The following PDLIM5 variants were observed in gnomAD, a reference collection of about 807,000 sequenced individuals.
PDLIM5 encodes PDZ and LIM domain 5.
A neutral mutation model predicts 64.2 loss-of-function variants in PDLIM5; 34 were observed. The ratio of observed to expected loss-of-function variants is 0.53; its 90% CI spans 0.40 to 0.71. The LOEUF (loss-of-function observed/expected upper bound fraction) is 0.71, where lower values mean the gene tolerates loss of function less well. Ranked by LOEUF, PDLIM5 falls within the 30% of genes least tolerant of loss-of-function variation. The probability of loss-of-function intolerance (pLI) is 0.00; values close to 1 mark genes in which losing one functional copy is unlikely to be tolerated. For synonymous variants in PDLIM5, 253 were observed against 269.1 expected (o/e 0.94, Z 0.59); for missense variants, 683 against 733.6 (o/e 0.93, Z 0.80).
intron 7 of PDLIM5, among the ~76,000 whole-genome samples, chr4:94,613,651 T>G (rs1312451032): frequency 6.6e-6 from 1 of 152,190 alleles, no homozygotes; most frequent in African/African-American, 2.4e-5. Flanking sequence ...TTTGGTAGAT[T>G]AGTGAAAATA....
At chr4:94,515,967 A>G (rs1397577585) in intron 2 of PDLIM5, among the ~76,000 whole-genome samples, 1 of 152,216 alleles carries the variant, frequency 6.6e-6, no homozygotes, top group Non-Finnish European at 1.5e-5. Flanking sequence ...TAGGATATTC[A>G]CACATTAACA....
chr4:94,583,335 T>A (rs1469167510), intron 5 of PDLIM5, among the ~76,000 whole-genome samples: 1 of 152,168 alleles, frequency 6.6e-6, no homozygotes, highest in Non-Finnish European at 1.5e-5. Flanking sequence ...CATTCTATTA[T>A]TCGTGATATC....
intron 3 of PDLIM5, among the ~76,000 whole-genome samples, chr4:94,551,115 C>T (rs960131730): frequency 6.6e-6 from 1 of 152,078 alleles, no homozygotes; most frequent in Middle Eastern, 3.2e-3. Context: ...TAACTGGTGA[C>T]ATGAAACTAT....
intron 2 of PDLIM5, among the ~76,000 whole-genome samples, chr4:94,485,980 G>A (rs1272158795): frequency 1.3e-5 from 2 of 152,150 alleles, no homozygotes; most frequent in East Asian, 1.9e-4. Flanking sequence ...GGATGAAGAG[G>A]AGGTCTCAAA....
chr4:94,664,158 A>G lies in PDLIM5; in HGVS notation c.*91A>G, dbSNP rs1324427205. On this transcript the variant is annotated 3_prime_UTR_variant, in exon 13 of 13. Transcript: ENST00000317968. The stretch of plus-strand genomic sequence containing the variant: ...ATTTTTAGATTCAATATTTATATGG[A>G]GTTTTGAAAAATAATAGTGGCCCTG... 2 of 1,310,346 alleles carry G rather than the reference A, an allele frequency of 1.5e-6. No individual in the cohort carries two copies. The highest frequency in any genetic ancestry group is 5.6e-5 in the East Asian group (2 of 35,572). 81.2% of individuals were successfully genotyped at this position (1,310,346 alleles called of 1,614,324 possible).
intron 2 of PDLIM5, among the ~76,000 whole-genome samples, chr4:94,520,963 G>A (rs1181068337): frequency 6.6e-6 from 1 of 152,216 alleles, no homozygotes; most frequent in Non-Finnish European, 1.5e-5. Context: ...ATTCAGTACA[G>A]TTAAGTTCTT....
chr4:94,473,516 T>G (rs1034047789), intron 2 of PDLIM5, among the ~76,000 whole-genome samples: 2 of 152,204 alleles, frequency 1.3e-5, no homozygotes, highest in African/African-American at 4.8e-5. Context: ...CGCCTTGGCC[T>G]CCCACAGTGC....
chr4:94,460,352 T>G (rs765330998), intron 2 of PDLIM5, among the ~76,000 whole-genome samples: 4 of 152,182 alleles, frequency 2.6e-5, no homozygotes, highest in Non-Finnish European at 4.4e-5. Flanking sequence ...AAAACGCACT[T>G]ATTTGATTTT....
intron 3 of PDLIM5, among the ~76,000 whole-genome samples, chr4:94,568,537 TA>T (rs1304802621): frequency 6.6e-6 from 1 of 152,170 alleles, no homozygotes; most frequent in Non-Finnish European, 1.5e-5. Context: ...CTTTCTGATA[TA>T]AAAATTTTAT....
At chr4:94,504,358 G>T in intron 2 of PDLIM5, among the ~76,000 whole-genome samples, 1 of 151,868 alleles carries the variant, frequency 6.6e-6, no homozygotes, top group East Asian at 1.9e-4. Context: ...CACTATCTCG[G>T]CTCATTGCAA....
intron 2 of PDLIM5, among the ~76,000 whole-genome samples, chr4:94,499,321 A>G (rs1194797632): frequency 6.6e-6 from 1 of 152,158 alleles, no homozygotes; most frequent in Non-Finnish European, 1.5e-5. Flanking sequence ...TCTTGGAAAT[A>G]AATGGAAACT....
intron 7 of PDLIM5, among the ~76,000 whole-genome samples, chr4:94,598,888 G>A (rs1326131167): frequency 2.0e-5 from 3 of 152,010 alleles, no homozygotes; most frequent in Non-Finnish European, 4.4e-5. Flanking sequence ...ATGTGGAGAT[G>A]TCCTCTCCAG....
rs146420820 is a variant in PDLIM5, at chr4:94,638,955, C to T, written c.1109-1321C>T. Among the ~76,000 whole-genome samples, 748 of 152,232 alleles carry T rather than the reference C, an allele frequency of 4.9e-3. 4 individuals are homozygous for T. The highest frequency in any genetic ancestry group is 0.017 in the African/African-American group (699 of 41,530). Reference sequence around the variant, plus strand: ...AAGGCACAGAAATATATAGCAGAAACAGTAACACATTAACAGAAAATTATG... The same window carrying T: ...AAGGCACAGAAATATATAGCAGAAATAGTAACACATTAACAGAAAATTATG... On this transcript the variant is annotated intron_variant, in intron 8 of 12. Coordinates refer to ENST00000317968, the MANE Select transcript of PDLIM5 (RefSeq NM_006457.5).
intron 3 of PDLIM5, chr4:94,549,712 G>T (rs2110206815): frequency 6.6e-6 from 1 of 152,230 alleles, no homozygotes; most frequent in East Asian, 1.9e-4. Flanking sequence ...ACATGTTAGA[G>T]GGCAATTTGG....
At chr4:94,610,179 A>G in intron 7 of PDLIM5, 2 of 1,524,152 alleles carry the variant, frequency 1.3e-6, no homozygotes, top group Non-Finnish European at 1.8e-6. Context: ...GCTCCACAGG[A>G]AATGTGGAAG....
intron 7 of PDLIM5, among the ~76,000 whole-genome samples, chr4:94,607,831 A>G (rs186109934): frequency 4.9e-4 from 74 of 152,314 alleles, no homozygotes; most frequent in Middle Eastern, 3.4e-3. Context: ...ATTTTATTAC[A>G]TAGAAGTAGC....
intron 2 of PDLIM5, among the ~76,000 whole-genome samples, chr4:94,474,623 G>A (rs1419100543): frequency 6.6e-6 from 1 of 152,110 alleles, no homozygotes; most frequent in African/African-American, 2.4e-5. Flanking sequence ...CTTGGCTTCC[G>A]TGGTAGTCAT....
chr4:94,465,613 G>T lies in PDLIM5; in HGVS notation c.96+10229G>T, dbSNP rs148820224. Among the ~76,000 whole-genome samples, 1,292 of 152,122 alleles carry T rather than the reference G, an allele frequency of 8.5e-3. 28 individuals carry two copies. The highest frequency in any genetic ancestry group is 0.03 in the African/African-American group (1,223 of 41,450). ...TTCAGTAGAGACGGGGTTTCACCATGTTGGCTAGGCTGGTCTCAAACCCCT... is the reference window on the plus strand; with the variant it reads ...TTCAGTAGAGACGGGGTTTCACCATTTTGGCTAGGCTGGTCTCAAACCCCT... On this transcript the variant is annotated intron_variant, in intron 2 of 12. Transcript: ENST00000317968.
At chr4:94,588,399 A>G (rs180833191) in intron 7 of PDLIM5, among the ~76,000 whole-genome samples, 2 of 152,078 alleles carry the variant, frequency 1.3e-5, no homozygotes, top group African/African-American at 4.8e-5. Context: ...CCCCATCTCT[A>G]CTAAACATAC....
Sources: allele counts gnomAD v4.1 joint callset (sites outside exome capture counted in the v4.1 genomes callset), GRCh38; gene constraint gnomAD v4.1.1; transcripts MANE v1.5; gene names NCBI Gene and HGNC (gene_info 2026-07-23, HGNC 2026-07-21).